MFNG: variants seen among roughly 807,000 people sequenced by gnomAD.
MFNG encodes the protein beta-1,3-N-acetylglucosaminyltransferase manic fringe.
MFNG carries 24 observed loss-of-function variants against 34.2 expected under a neutral mutation model. That is an observed-to-expected ratio of 0.70 (90% CI 0.51 to 0.99). The LOEUF (loss-of-function observed/expected upper bound fraction) is 0.99, where lower values mean the gene tolerates loss of function less well. MFNG is among the 50% of genes least tolerant of loss of function. The pLI is 0.00. For synonymous variants in MFNG, 158 were observed against 179.2 expected, an observed-to-expected ratio of 0.88 and a Z score of 0.94; for missense variants, 383 against 424.0, an observed-to-expected ratio of 0.90 and a Z score of 0.85.
chr22:37,486,037 C>T lies in MFNG; in HGVS notation c.141G>A (p.Gly47=). 2 of 1,613,948 alleles carry T rather than the reference C, an allele frequency of 1.2e-6. No individual in the cohort carries two copies. The highest frequency in any genetic ancestry group is 1.7e-6 in the Non-Finnish European group (2 of 1,179,936). Residue 47 remains glycine, a synonymous_variant, in exon 1 of 8, where the codon GGG becomes GGA. Coordinates refer to ENST00000356998, the MANE Select transcript of MFNG (RefSeq NM_002405.4). ...GTPELSQPNP[G]PPKLQLHDVF... is the part of the protein sequence containing the mutation. ...CATCGTGTAGCTGTAGCTTAGGGGG[C>T]CCCGGGTTCGGCTGGCTCAGCTCGG...
chr22:37,473,351 C>T (rs1221612430), intron 6 of MFNG, among the ~76,000 whole-genome samples: 7 of 152,010 alleles, frequency 4.6e-5, no homozygotes, highest in Non-Finnish European at 1.0e-4. Context: ...ATCACTTGAA[C>T]CCGGGAGGTG....
Position 37,482,754 on chromosome 22 carries a change from C to T in MFNG, c.256-1985G>A, listed in dbSNP as rs765716660. Among the ~76,000 whole-genome samples, 4 of 152,156 alleles carry T rather than the reference C, an allele frequency of 2.6e-5. No homozygotes were observed. The highest frequency in any genetic ancestry group is 5.9e-5 in the Non-Finnish European group (4 of 68,022). ...CTGGGTCCAATTTGTCTCCTTGCTC[C>T]GGCACCTGGCTCTCCTCAGGAAGGC... On this transcript the variant is annotated intron_variant, in intron 1 of 7. Transcript: ENST00000356998. This position sits in a 1 kb window ranked among gnomAD's most constrained non-coding sequence, Gnocchi z 4.1.
chr22:37,475,063 C>T (rs1367318808), intron 5 of MFNG, among the ~76,000 whole-genome samples: 1 of 152,172 alleles, frequency 6.6e-6, no homozygotes, highest in Non-Finnish European at 1.5e-5. Context: ...GCTTCCTGCC[C>T]CCAACAGCAG....
intron 4 of MFNG, 112 bp from the exon 5 acceptor site, chr22:37,477,093 T>G: frequency 1.2e-6 from 1 of 858,060 alleles, no homozygotes; most frequent in South Asian, 1.4e-5. Flanking sequence ...GCCCTTTATT[T>G]TGAATCTCAC....
Position 37,486,131 on chromosome 22 carries a change from A to T in MFNG, c.47T>A (p.Leu16His), listed in dbSNP as rs1326398026. 1 of 1,601,278 alleles carries T rather than the reference A, an allele frequency of 6.2e-7. No individual in the cohort carries two copies. The highest frequency in any genetic ancestry group is 1.1e-5 in the South Asian group (1 of 90,664). Residue 16 changes from leucine to histidine, a missense_variant, in exon 1 of 8, where the codon CTC becomes CAC. Transcript: ENST00000356998. Reference protein sequence around the residue: ...PRGLAGALLTLLCMGLLCLRY... With the variant: ...PRGLAGALLTHLCMGLLCLRY... Reference sequence around the variant, plus strand: ...CAGACACAGGAGCCCCATGCACAGGAGGGTGAGGAGGGCTCCAGCCAGGCC... The same window carrying T: ...CAGACACAGGAGCCCCATGCACAGGTGGGTGAGGAGGGCTCCAGCCAGGCC...
Position 37,482,429 on chromosome 22 carries a change from TCACACACACA to T in MFNG, c.256-1670_256-1661del, listed in dbSNP as rs148548781. On this transcript the variant is annotated intron_variant, in intron 1 of 7. Transcript: ENST00000356998. The surrounding 1 kb of genome is among the most constrained non-coding windows in gnomAD (Gnocchi z 4.1). ...GGGCTTCTCTCTCTGTCTCTCTCTCTCACACACACACACGCACACACACGCACGCATACAC... is the reference window on the plus strand; with the variant it reads ...GGGCTTCTCTCTCTGTCTCTCTCTCTCACGCACACACACGCACGCATACAC... 0.076 allele frequency among the ~76,000 whole-genome samples: 11,574 copies of T among 151,302 alleles called. 465 individuals are homozygous for T. The highest frequency in any genetic ancestry group is 0.1 in the African/African-American group (4,206 of 41,198).
rs764722326 is a variant in MFNG, at chr22:37,469,063, G to A, written c.*900C>T. 1 of 152,816 alleles carries A rather than the reference G, an allele frequency of 6.5e-6. No homozygotes were observed. Among genetic ancestry groups the A allele is most frequent in the Non-Finnish European group, 1.5e-5 (1 of 68,186 alleles). The allele number at this position is 152,816 out of a possible 1,614,324, so 9.5% of individuals were successfully genotyped here. A position where few individuals can be genotyped will look rare whatever the true frequency, so the allele number is the denominator to read the frequency against. On this transcript the variant is annotated 3_prime_UTR_variant, in exon 8 of 8. Transcript: ENST00000356998. ...CATGTAACAGAAAACTGGACCAAGA[G>A]AGACTTAAACAAATAAGCATTTAAT... is the stretch of plus-strand genomic sequence containing the variant.
intron 7 of MFNG, among the ~76,000 whole-genome samples, chr22:37,470,837 T>G (rs1376264423): frequency 6.6e-6 from 1 of 152,104 alleles, no homozygotes; most frequent in Non-Finnish European, 1.5e-5. Flanking sequence ...CCTCCTCTTC[T>G]CCACATTCCA....
chr22:37,472,519 TG>T lies in MFNG; in HGVS notation c.822del (p.Ser275AlafsTer50), dbSNP rs1170438538. The T allele has an allele frequency of 2.0e-5, 31 of 1,580,838 alleles. No individual in the cohort carries two copies. The highest frequency in any genetic ancestry group is 2.5e-5 in the Non-Finnish European group (29 of 1,166,436). Reference protein sequence around the residue: ...RTAQLPEQVTLSYGVFEGKLN... With the variant: ...RTAQLPEQVTXSYGVFEGKLN... ...AGTTTCCCCTCAAAGACACCGTAGC[TG>T]AGGGTGACCTGGGCAGGGAGATAGA... On this transcript the variant is annotated frameshift_variant, in exon 7 of 8. Transcript: ENST00000356998. LOFTEE classifies it high-confidence loss of function.
chr22:37,485,855 T>C lies in MFNG; in HGVS notation c.255+68A>G, dbSNP rs928815182. 2.6e-6 allele frequency: 4 copies of C among 1,533,784 alleles called. No individual in the cohort carries two copies. The highest frequency in any genetic ancestry group is 2.8e-5 in the African/African-American group (2 of 72,624). ...GAGGCAGTCAGGGACCCCAGCCCAG[T>C]AGAAAGGCCTCTGAGAACCCCTTAG... On this transcript the variant is annotated intron_variant, in intron 1 of 7. Transcript: ENST00000356998. This position sits in a 1 kb window ranked among gnomAD's most constrained non-coding sequence, Gnocchi z 5.3.
chr22:37,479,145 G>A (rs1227887325), intron 4 of MFNG, among the ~76,000 whole-genome samples, 200 bp downstream of exon 4: 5 of 152,166 alleles, frequency 3.3e-5, no homozygotes, highest in Admixed American at 6.5e-5. Context: ...TCTGTGCCAC[G>A]ACTGCATGAT....
intron 7 of MFNG, 130 bp downstream of exon 7, chr22:37,472,313 C>T (rs1423706585): frequency 3.0e-6 from 2 of 672,648 alleles, no homozygotes; most frequent in East Asian, 3.0e-5. Context: ...AATCCACTCC[C>T]TCCACTCCTA....
In MFNG at chr22:37,469,973, C is replaced by T. The variant is rs1340330159; in HGVS notation, c.956G>A (p.Gly319Asp). ...CCAGCAGTTCAGGATTCATCGGGCA[C>T]CCAGCTGGGGACACCAGGGTGTATC... ...YPDTPWCPQL[G>D]AR The change falls in exon 8 of 8, where the codon GGT becomes GAT. Residue 319 changes from glycine to aspartate, a missense_variant. By Grantham distance (94) the Gly-to-Asp change is moderately conservative. Transcript: ENST00000356998. 1.2e-6 allele frequency: 2 copies of T among 1,607,376 alleles called. No individual in the cohort carries two copies. The highest frequency in any genetic ancestry group is 1.7e-6 in the Non-Finnish European group (2 of 1,176,610).
At chr22:37,471,756 G>C (rs371987255) in intron 7 of MFNG, among the ~76,000 whole-genome samples, 1 of 151,378 alleles carries the variant, frequency 6.6e-6, no homozygotes, top group Non-Finnish European at 1.5e-5. Context: ...GTTTGAACCC[G>C]GGGGGCGGAG....
At position 37,485,770 on chromosome 22, in the gene MFNG, C is replaced by T. The variant is rs1475167774; in HGVS notation, c.255+153G>A. 7 of 1,029,344 alleles carry T rather than the reference C, an allele frequency of 6.8e-6. No individual in the cohort carries two copies. Among genetic ancestry groups the T allele is most frequent in the East Asian group, 2.7e-5 (1 of 37,504 alleles). 63.8% of individuals were successfully genotyped at this position (1,029,344 alleles called of 1,614,324 possible). A position where few individuals can be genotyped will look rare whatever the true frequency, so the allele number is the denominator to read the frequency against. On this transcript the variant is annotated intron_variant, in intron 1 of 7. Transcript: ENST00000356998. The surrounding 1 kb of genome is among the most constrained non-coding windows in gnomAD (Gnocchi z 5.3). Reference sequence around the variant, plus strand: ...AGGGCCGCAGGCAGCCCCTAAAGCCCGGAAGAAGGAGAGAGGAAGAGGATC... The same window carrying T: ...AGGGCCGCAGGCAGCCCCTAAAGCCTGGAAGAAGGAGAGAGGAAGAGGATC...
intron 6 of MFNG, among the ~76,000 whole-genome samples, chr22:37,473,877 A>G (rs933799534): frequency 6.6e-5 from 10 of 152,284 alleles, no homozygotes; most frequent in Admixed American, 5.2e-4. Flanking sequence ...TGGGCAGGAG[A>G]TCCCGGGGAC....
chr22:37,478,020 T>C (rs1301807023), intron 4 of MFNG, among the ~76,000 whole-genome samples: 1 of 152,162 alleles, frequency 6.6e-6, no homozygotes, highest in Non-Finnish European at 1.5e-5. Context: ...GCAAACTGCT[T>C]AGGCAGAGGT....
At chr22:37,470,625 T>C (rs1056730139) in intron 7 of MFNG, among the ~76,000 whole-genome samples, 4 of 152,240 alleles carry the variant, frequency 2.6e-5, no homozygotes, top group Admixed American at 2.6e-4. Context: ...TTCTATCTCC[T>C]TGTAATATCC....
Position 37,474,587 on chromosome 22 carries a change from G to A in MFNG, c.738C>T (p.Arg246=). 1 of 1,614,152 alleles carries A rather than the reference G, an allele frequency of 6.2e-7. No homozygotes were observed. Among genetic ancestry groups the A allele is most frequent in the East Asian group, 2.2e-5 (1 of 44,884 alleles). The change falls in exon 6 of 8, where the codon CGC becomes CGT. Residue 246 remains arginine, a synonymous_variant. Transcript: ENST00000356998. The stretch of plus-strand genomic sequence containing the variant: ...AGTGAAAGAGGGGGCTGGGCTGCAG[G>A]CGGCCGCCCAGCTTGCACTCAATGA... ...GYIIECKLGG[R]LQPSPLFHSH...
Sources: allele counts gnomAD v4.1 joint callset (sites outside exome capture counted in the v4.1 genomes callset), GRCh38; gene constraint gnomAD v4.1.1; non-coding constraint Gnocchi (gnomAD v3.1); transcripts MANE v1.5; gene names NCBI Gene and HGNC (gene_info 2026-07-23, HGNC 2026-07-21).